The following CYP4F12 variants were observed in gnomAD, a reference collection of about 807,000 sequenced individuals.
CYP4F12 encodes cytochrome P450 family 4 subfamily F member 12.
CYP4F12 carries 60 observed loss-of-function variants against 56.5 expected under a neutral mutation model. The ratio of observed to expected loss-of-function variants is 1.06; its 90% confidence interval spans 0.86 to 1.32. The LOEUF is 1.32. CYP4F12 is among the 40% of genes most tolerant of loss of function. CYP4F12 has a pLI of 0.00. For synonymous variants in CYP4F12, 263 were observed against 264.9 expected (o/e 0.99, Z 0.07); for missense variants, 711 against 683.5 (o/e 1.04, Z -0.45).
intron 2 of CYP4F12, among the ~76,000 whole-genome samples, chr19:15,677,498 C>G (rs1250830001): frequency 4.1e-5 from 2 of 48,360 alleles, no homozygotes; most frequent in African/African-American, 1.6e-4. Flanking sequence ...TCATTCCCCT[C>G]CTCCCATTCC....
chr19:15,682,132 A>G (rs959764373), intron 5 of CYP4F12: 5 of 355,106 alleles, frequency 1.4e-5, no homozygotes, highest in African/African-American at 6.2e-5. Context: ...GGAGGGCAAT[A>G]TGTTGACCAA....
chr19:15,687,879 G>A (rs999430470), intron 9 of CYP4F12, among the ~76,000 whole-genome samples: 1 of 152,214 alleles, frequency 6.6e-6, no homozygotes, highest in Non-Finnish European at 1.5e-5. Context: ...GGACCTTGGG[G>A]AAGTCAGACA....
intron 3 of CYP4F12, 180 bp downstream of exon 3, chr19:15,678,585 G>A: frequency 1.2e-6 from 1 of 837,600 alleles, no homozygotes; most frequent in Non-Finnish European, 1.8e-6. Flanking sequence ...GGCTCCAAGA[G>A]GCCTCAATTC....
intron 2 of CYP4F12, among the ~76,000 whole-genome samples, chr19:15,675,064 G>A (rs2006850586): frequency 1.3e-5 from 2 of 152,232 alleles, no homozygotes; most frequent in Non-Finnish European, 2.9e-5. Flanking sequence ...CAGAAGAGAA[G>A]TGCAGGCAGT....
chr19:15,674,658 C>CTCATTCCTCTGCTTACTCAG (rs1445718417), intron 2 of CYP4F12, among the ~76,000 whole-genome samples: 2,606 of 151,670 alleles, frequency 0.017, 8 homozygotes, highest in African/African-American at 0.061. Context: ...TCCCCACTCA[C>CTCATTCCTCTGCTTACTCAG]TCATTCCTCT....
chr19:15,677,628 C>T (rs1322386173), intron 2 of CYP4F12, among the ~76,000 whole-genome samples: 1,606 of 12,094 alleles, frequency 0.13, 382 homozygotes, highest in Admixed American at 0.21. Context: ...TCACTCATTC[C>T]TCTCCTCACT....
At chr19:15,683,069 G>GGAGA (rs560156094) in intron 6 of CYP4F12, among the ~76,000 whole-genome samples, 2 of 148,528 alleles carry the variant, frequency 1.3e-5, no homozygotes, top group African/African-American at 2.5e-5. Flanking sequence ...AAAGAGAGAG[G>GGAGA]GAGAGAGAGA....
intron 9 of CYP4F12, among the ~76,000 whole-genome samples, chr19:15,689,174 G>A (rs1396524749): frequency 9.8e-6 from 1 of 102,358 alleles, no homozygotes; most frequent in Non-Finnish European, 2.1e-5. Flanking sequence ...CCTACAGAGT[G>A]GGGGAAAATA....
Position 15,678,521 on chromosome 19 carries a change from T to A in CYP4F12, c.343+116T>A. 7 of 1,323,876 alleles carry A rather than the reference T, an allele frequency of 5.3e-6. No individual in the cohort carries two copies. In the South Asian group the frequency reaches 9.4e-5, roughly 18 times the overall value. 82.0% of individuals were successfully genotyped at this position (1,323,876 alleles called of 1,614,324 possible). A position where few individuals can be genotyped will look rare whatever the true frequency, so the allele number is the denominator to read the frequency against. On this transcript the variant is annotated intron_variant, in intron 3 of 12. Coordinates refer to ENST00000550308, the MANE Select transcript of CYP4F12 (RefSeq NM_023944.4). The stretch of plus-strand genomic sequence containing the variant: ...CCTCATTGAGACTTCCTTCTCAATG[T>A]CTTCTCCCTCCATTGCCATCTGCTC...
chr19:15,696,520 C>G lies in CYP4F12; in HGVS notation c.1397+8C>G. On this transcript the variant is annotated splice_region_variant and intron_variant, in intron 12 of 12. Coordinates refer to ENST00000550308, the MANE Select transcript of CYP4F12 (RefSeq NM_023944.4). ...TTTCTCCGCAGGGCCCAGGTAAGAG[C>G]GCCCTGTGTCTGAGGCAGGGATGGG... 6.2e-7 allele frequency: 1 copy of G among 1,610,960 alleles called. No individual in the cohort carries two copies. The highest frequency in any genetic ancestry group is 1.7e-4 in the Middle Eastern group (1 of 5,974).
At chr19:15,696,253 A>C (rs1600018510) in intron 11 of CYP4F12, 28 bp downstream of exon 11, 1 of 1,612,184 alleles carries the variant, frequency 6.2e-7, no homozygotes, top group Non-Finnish European at 8.5e-7. Context: ...CACCACCACC[A>C]CCCCCATCCT....
At position 15,696,678 on chromosome 19, in the gene CYP4F12, G is replaced by A. The variant is rs575414031; in HGVS notation, c.1397+166G>A. 1.1e-4 allele frequency among the ~76,000 whole-genome samples: 16 copies of A among 152,310 alleles called. No homozygotes were observed. In the East Asian group the frequency reaches 1.4e-3, roughly 13 times the overall value. On this transcript the variant is annotated intron_variant, in intron 12 of 12. Coordinates refer to ENST00000550308, the MANE Select transcript of CYP4F12 (RefSeq NM_023944.4). ...GGATGAGTAGGTCCTAGAGGGGTCC[G>A]CGGAGTGCTCAAAATCCCCTTCTCC... is the stretch of plus-strand genomic sequence containing the variant.
chr19:15,694,895 C>T (rs1004095494), intron 9 of CYP4F12, among the ~76,000 whole-genome samples: 2 of 152,236 alleles, frequency 1.3e-5, no homozygotes, highest in Admixed American at 6.5e-5. Flanking sequence ...CACTTTTACA[C>T]TGTTGGTGGG....
rs200916951 is a variant in CYP4F12 at position 15,673,538 on chromosome 19, G to T, written c.9G>T (p.Leu3=). Residue 3 remains leucine (L), a synonymous_variant, in exon 2 of 13, where the codon CTG becomes CTT. Coordinates refer to ENST00000550308, the MANE Select transcript of CYP4F12 (RefSeq NM_023944.4). MS[L]LSLPWLGLRP... ...CCCCTCTGCCCTGCAGGATGTCGCTGCTGAGCCTGCCCTGGCTGGGCCTCA... is the reference window on the plus strand; with the variant it reads ...CCCCTCTGCCCTGCAGGATGTCGCTTCTGAGCCTGCCCTGGCTGGGCCTCA... 2.5e-6 allele frequency: 4 copies of T among 1,613,448 alleles called. No individual in the cohort carries two copies. The African/African-American group carries it at 5.3e-5, about 22-fold the overall frequency.
chr19:15,675,467 TGGACCAACCA>T (rs1229553688), intron 2 of CYP4F12, among the ~76,000 whole-genome samples: 7 of 152,314 alleles, frequency 4.6e-5, no homozygotes, highest in Non-Finnish European at 8.8e-5. Flanking sequence ...AGTGCCCATG[TGGACCAACCA>T]GGACACAAAA....
At chr19:15,688,483 A>G (rs1012041675) in intron 9 of CYP4F12, among the ~76,000 whole-genome samples, 1 of 152,218 alleles carries the variant, frequency 6.6e-6, no homozygotes, top group Non-Finnish European at 1.5e-5. Flanking sequence ...ATGAAAACAC[A>G]TCCCATGTTC....
intron 6 of CYP4F12, among the ~76,000 whole-genome samples, chr19:15,683,069 G>A (rs1269485133): frequency 0.015 from 2,144 of 147,818 alleles, 2 homozygotes; most frequent in African/African-American, 0.052. Context: ...AAAGAGAGAG[G>A]GAGAGAGAGA....
chr19:15,688,972 C>G (rs1289682043), intron 9 of CYP4F12, among the ~76,000 whole-genome samples: 1 of 152,124 alleles, frequency 6.6e-6, no homozygotes. Context: ...AAATCTAAGA[C>G]AGAAACCATA....
rs146169688 is a variant in CYP4F12 at position 15,689,386 on chromosome 19, T to C, written c.1115+4189T>C. ...GCTCAACATCACTAATCATCAGGGA[T>C]ATGCAAATTAAAACCACAATGAGAT... On this transcript the variant is annotated intron_variant, in intron 9 of 12. Coordinates refer to ENST00000550308, the MANE Select transcript of CYP4F12 (RefSeq NM_023944.4). Among the ~76,000 whole-genome samples the C allele has an allele frequency of 1.8e-3, 281 of 152,218 alleles. 1 individual carries two copies. The highest frequency in any genetic ancestry group is 6.6e-3 in the African/African-American group (274 of 41,532).
Sources: allele counts gnomAD v4.1 joint callset (sites outside exome capture counted in the v4.1 genomes callset), GRCh38; gene constraint gnomAD v4.1.1; transcripts MANE v1.5; gene names NCBI Gene and HGNC (gene_info 2026-07-23, HGNC 2026-07-21).